Variants in CFAP61 observed in about 807,000 individuals in gnomAD.
CFAP61 encodes cilia- and flagella-associated protein 61.
A neutral mutation model predicts 135.6 loss-of-function variants in CFAP61; 107 were observed. The ratio of observed to expected loss-of-function variants is 0.79; its 90% CI spans 0.67 to 0.93. The LOEUF is 0.93. Ranked by LOEUF, CFAP61 falls within the 40% of genes least tolerant of loss-of-function variation. The probability of loss-of-function intolerance (pLI) is 0.00; values close to 1 mark genes in which losing one functional copy is unlikely to be tolerated. For synonymous variants in CFAP61, 575 were observed against 578.5 expected (o/e 0.99, Z 0.09); for missense variants, 1,507 against 1,556.2 (o/e 0.97, Z 0.53).
chr20:20,300,295 A>C (rs116289064), intron 25 of CFAP61, among the ~76,000 whole-genome samples: 1 of 152,182 alleles, frequency 6.6e-6, no homozygotes, highest in Non-Finnish European at 1.5e-5. Context: ...TATGAAAAAA[A>C]AGTTAACTCT....
At chr20:20,058,983 A>G (rs540691226) in intron 2 of CFAP61, among the ~76,000 whole-genome samples, 4 of 152,344 alleles carry the variant, frequency 2.6e-5, no homozygotes, top group African/African-American at 9.6e-5. Flanking sequence ...TAAACAATGA[A>G]TATAAAATAA....
At chr20:20,251,466 A>T in intron 19 of CFAP61, 129 bp from the exon 20 acceptor site, 2 of 758,154 alleles carry the variant, frequency 2.6e-6, no homozygotes, top group Non-Finnish European at 4.4e-6. Flanking sequence ...TCCTAGTATC[A>T]GTCCTGGTAA....
chr20:20,220,588 C>T (rs1261323310), intron 17 of CFAP61, among the ~76,000 whole-genome samples: 1 of 152,098 alleles, frequency 6.6e-6, no homozygotes, highest in Non-Finnish European at 1.5e-5. Context: ...GGAATTGAAT[C>T]ATAGGACAGA....
chr20:20,106,983 C>G (rs2048454843), intron 8 of CFAP61, among the ~76,000 whole-genome samples: 1 of 152,176 alleles, frequency 6.6e-6, no homozygotes, highest in Non-Finnish European at 1.5e-5. Flanking sequence ...AGGGGTGATT[C>G]AAGGGATTTT....
At chr20:20,226,632 G>T (rs1201525346) in intron 17 of CFAP61, among the ~76,000 whole-genome samples, 2 of 152,308 alleles carry the variant, frequency 1.3e-5, no homozygotes, top group East Asian at 3.9e-4. Context: ...ACCTGGGATG[G>T]TTTCCCTCTT....
chr20:20,204,203 GC>G (rs1164380014), intron 17 of CFAP61, among the ~76,000 whole-genome samples: 6 of 152,262 alleles, frequency 3.9e-5, no homozygotes, highest in Admixed American at 2.6e-4. Flanking sequence ...TCCTTCCTGA[GC>G]AATCATACTT....
intron 19 of CFAP61, among the ~76,000 whole-genome samples, chr20:20,250,495 T>C (rs1262412909): frequency 2.6e-5 from 4 of 152,138 alleles, no homozygotes; most frequent in Admixed American, 2.6e-4. Context: ...GTGCCTCCAG[T>C]CCCAGCTACT....
chr20:20,206,589 T>C lies in CFAP61; in HGVS notation c.1932+6687T>C, dbSNP rs183769142. ...ATCCACGTTGTAGCGTGTGTATCTG[T>C]ACTTTATCTCTTTTTTATTGTTGAC... On this transcript the variant is annotated intron_variant, in intron 17 of 26. Transcript: ENST00000245957. Among the ~76,000 whole-genome samples, 5 of 152,332 alleles carry C rather than the reference T, an allele frequency of 3.3e-5. No individual in the cohort carries two copies. In the East Asian group the frequency reaches 5.8e-4, roughly 18 times the overall value.
intron 15 of CFAP61, among the ~76,000 whole-genome samples, chr20:20,196,299 T>C (rs2056282340): frequency 1.3e-5 from 2 of 152,132 alleles, no homozygotes; most frequent in African/African-American, 2.4e-5. Flanking sequence ...GACTCGGGGC[T>C]CTCTGAGTTG....
chr20:20,086,984 G>A (rs926644), intron 6 of CFAP61, among the ~76,000 whole-genome samples: 18,360 of 152,144 alleles, frequency 0.12, 1,398 homozygotes, highest in South Asian at 0.18. Flanking sequence ...ATAGAGGTGG[G>A]AAGGAGGGAA....
At chr20:20,251,020 C>T (rs751672241) in intron 19 of CFAP61, among the ~76,000 whole-genome samples, 16 of 152,182 alleles carry the variant, frequency 1.1e-4, no homozygotes, top group Non-Finnish European at 2.4e-4. Context: ...GTACTTGCTG[C>T]GAACCTAACT....
chr20:20,292,428 G>A (rs557477279), intron 24 of CFAP61, among the ~76,000 whole-genome samples: 14 of 152,248 alleles, frequency 9.2e-5, no homozygotes, highest in African/African-American at 3.1e-4. Context: ...TCATCATAGT[G>A]TTCCAGTTTC....
intron 17 of CFAP61, among the ~76,000 whole-genome samples, chr20:20,204,880 C>T (rs990948635): frequency 6.6e-6 from 1 of 152,218 alleles, no homozygotes; most frequent in Non-Finnish European, 1.5e-5. Flanking sequence ...CTTCAAGCCA[C>T]TTCCCAGCCA....
At chr20:20,065,153 TA>T (rs2045147371) in intron 2 of CFAP61, among the ~76,000 whole-genome samples, 2 of 152,186 alleles carry the variant, frequency 1.3e-5, no homozygotes, top group African/African-American at 4.8e-5. Flanking sequence ...AGAAAACTTG[TA>T]AAAATTAATT....
intron 2 of CFAP61, among the ~76,000 whole-genome samples, chr20:20,067,663 A>ATATT (rs374637754): frequency 7.2e-6 from 1 of 138,630 alleles, no homozygotes; most frequent in Non-Finnish European, 1.5e-5. Context: ...ATATATATAT[A>ATATT]ATATATATAT....
chr20:20,069,698 A>G (rs889768512), intron 2 of CFAP61: 1 of 454,670 alleles, frequency 2.2e-6, no homozygotes, highest in Admixed American at 2.4e-5. Context: ...GGAAGGTGGG[A>G]TTAAAAGTGA....
At position 20,359,062 on chromosome 20, in the gene CFAP61, G is replaced by GGTGCAGGT. The variant is rs1158232543; in HGVS notation, c.3514-1137_3514-1130dup. On this transcript the variant is annotated intron_variant, in intron 26 of 26. Transcript: ENST00000245957. This position sits in a 1 kb window ranked among gnomAD's most constrained non-coding sequence, Gnocchi z 4.0. ...TAGCAGATGTTAACTGTGGAGTCCAGGTGCAGGTGTGCAGGTGTTCAGTGG... is the reference window on the plus strand; with the variant it reads ...TAGCAGATGTTAACTGTGGAGTCCAGGTGCAGGTGTGCAGGTGTGCAGGTGTTCAGTGG... Among the ~76,000 whole-genome samples the GGTGCAGGT allele has an allele frequency of 5.3e-5, 8 of 152,300 alleles. No individual in the cohort carries two copies. The highest frequency in any genetic ancestry group is 3.4e-3 in the Middle Eastern group (1 of 294).
chr20:20,244,683 A>G (rs1317090238), intron 18 of CFAP61, among the ~76,000 whole-genome samples: 3 of 152,314 alleles, frequency 2.0e-5, no homozygotes, highest in South Asian at 2.1e-4. Flanking sequence ...GGGGATTAAC[A>G]TTCGGCTCCT....
At chr20:20,344,338 C>T (rs2058559937) in intron 26 of CFAP61, among the ~76,000 whole-genome samples, 1 of 152,128 alleles carries the variant, frequency 6.6e-6, no homozygotes, top group Middle Eastern at 3.2e-3. Flanking sequence ...AGAAGGGCTG[C>T]TGTGGAAACG....
Sources: allele counts gnomAD v4.1 joint callset (sites outside exome capture counted in the v4.1 genomes callset), GRCh38; gene constraint gnomAD v4.1.1; non-coding constraint Gnocchi (gnomAD v3.1); transcripts MANE v1.5; gene names NCBI Gene and HGNC (gene_info 2026-07-23, HGNC 2026-07-21).